GALNT17: variants seen among roughly 807,000 people sequenced by gnomAD.
GALNT17 encodes UDP-GalNAc:polypeptide N-acetylgalactosaminyltransferase-like 3.
In GALNT17, 29 loss-of-function variants were observed where a neutral mutation model predicts 63.7. That is an observed-to-expected ratio of 0.46 (90% CI 0.34 to 0.62). The LOEUF is 0.62. Ranked by LOEUF, GALNT17 falls within the 20% of genes least tolerant of loss-of-function variation. The pLI is 0.01. For missense variants in GALNT17, 603 were observed against 799.6 expected, an observed-to-expected ratio of 0.75 and a Z score of 2.97; for synonymous variants, 305 against 318.3, an observed-to-expected ratio of 0.96 and a Z score of 0.45.
rs367865697 is a variant in GALNT17, at chr7:71,415,982, G to A, written c.683G>A (p.Arg228His). The stretch of plus-strand genomic sequence containing the variant: ...AATCAGAAGAGGGAAGGCCTGATCC[G>A]CGCTCGCATTGAGGGCTGGAAGGTG... ...VRNQKREGLI[R>H]ARIEGWKVAT... Residue 228 changes from arginine (R) to histidine (H), a missense_variant, in exon 4 of 11, where the codon CGC becomes CAC. Physicochemically the swap from Arg to His is conservative, Grantham distance 29. Transcript: ENST00000333538. The A allele has an allele frequency of 1.7e-5, 27 of 1,613,792 alleles. No homozygotes were observed. Among genetic ancestry groups the A allele is most frequent in the South Asian group, 2.2e-5 (2 of 90,998 alleles).
chr7:71,397,941 T>TCG (rs1563063497), intron 3 of GALNT17, among the ~76,000 whole-genome samples: 1,991 of 150,808 alleles, frequency 0.013, 19 homozygotes, highest in Middle Eastern at 0.024. Context: ...CATTATTGTC[T>TCG]TTGTTGTTGT....
chr7:71,530,109 C>T (rs975783187), intron 5 of GALNT17, among the ~76,000 whole-genome samples: 1 of 152,104 alleles, frequency 6.6e-6, no homozygotes, highest in African/African-American at 2.4e-5. Context: ...GCTACTCATC[C>T]TTTTTTCCAC....
intron 1 of GALNT17, among the ~76,000 whole-genome samples, chr7:71,238,085 T>C (rs968595450): frequency 6.6e-6 from 1 of 152,204 alleles, no homozygotes; most frequent in African/African-American, 2.4e-5. Flanking sequence ...CACTATTTAA[T>C]GTATTCAGCA....
intron 5 of GALNT17, among the ~76,000 whole-genome samples, chr7:71,566,152 C>T (rs954963707): frequency 1.3e-5 from 2 of 152,066 alleles, no homozygotes; most frequent in Non-Finnish European, 1.5e-5. Flanking sequence ...CGGGATTACA[C>T]GCATGAGCCA....
At chr7:71,520,883 GGGCTAAACTT>G (rs1301671120) in intron 5 of GALNT17, among the ~76,000 whole-genome samples, 1 of 152,106 alleles carries the variant, frequency 6.6e-6, no homozygotes, top group African/African-American at 2.4e-5. Context: ...GAGTAACCAG[GGGCTAAACTT>G]GGCTTGAGTT....
At chr7:71,368,419 GT>G (rs1792555001) in intron 2 of GALNT17, among the ~76,000 whole-genome samples, 1 of 151,996 alleles carries the variant, frequency 6.6e-6, no homozygotes, top group South Asian at 2.1e-4. Flanking sequence ...TTCCTAGAGA[GT>G]TTTTCCCGTC....
chr7:71,350,434 A>T (rs1792169650), intron 2 of GALNT17, among the ~76,000 whole-genome samples: 1 of 152,312 alleles, frequency 6.6e-6, no homozygotes, highest in African/African-American at 2.4e-5. Flanking sequence ...GCTAACATAC[A>T]TCTGACCCTT....
chr7:71,184,213 G>A (rs1788789143), intron 1 of GALNT17, among the ~76,000 whole-genome samples: 1 of 152,108 alleles, frequency 6.6e-6, no homozygotes, highest in Non-Finnish European at 1.5e-5. Context: ...CCTTCATCTC[G>A]GACTTCCAGT....
chr7:71,547,434 G>C (rs1191482510), intron 5 of GALNT17, among the ~76,000 whole-genome samples: 1 of 152,078 alleles, frequency 6.6e-6, no homozygotes, highest in Non-Finnish European at 1.5e-5. Context: ...GATTATAGGT[G>C]TGAGCCACTG....
At chr7:71,514,576 A>G (rs1298714567) in intron 5 of GALNT17, among the ~76,000 whole-genome samples, 2 of 152,116 alleles carry the variant, frequency 1.3e-5, no homozygotes, top group Non-Finnish European at 2.9e-5. Flanking sequence ...TCTTTTGGTA[A>G]AAATCTCCTA....
chr7:71,190,484 A>C (rs911852571), intron 1 of GALNT17, among the ~76,000 whole-genome samples: 19 of 152,164 alleles, frequency 1.2e-4, no homozygotes, highest in African/African-American at 4.6e-4. Context: ...GCTTTACCAG[A>C]AGTCAGGCAG....
At chr7:71,582,440 G>T (rs1440131379) in intron 6 of GALNT17, among the ~76,000 whole-genome samples, 2 of 151,518 alleles carry the variant, frequency 1.3e-5, no homozygotes, top group African/African-American at 4.9e-5. Context: ...AAAATAGCTG[G>T]GCATGGTGAC....
intron 5 of GALNT17, among the ~76,000 whole-genome samples, chr7:71,541,267 T>C (rs1055975922): frequency 6.8e-6 from 1 of 146,462 alleles, no homozygotes; most frequent in Non-Finnish European, 1.5e-5. Context: ...ATGCTGCGTA[T>C]GATGGGTGGC....
At chr7:71,639,907 A>G (rs1425079586) in intron 6 of GALNT17, among the ~76,000 whole-genome samples, 2 of 152,196 alleles carry the variant, frequency 1.3e-5, no homozygotes, top group Non-Finnish European at 2.9e-5. Flanking sequence ...ATCGCAGCCC[A>G]TGAATATATC....
chr7:71,693,307 C>CATATATATAT (rs1397260396), intron 9 of GALNT17, among the ~76,000 whole-genome samples: 19 of 126,676 alleles, frequency 1.5e-4, no homozygotes, highest in African/African-American at 4.1e-4. Flanking sequence ...CACACACACA[C>CATATATATAT]ACATATATAT....
intron 1 of GALNT17, among the ~76,000 whole-genome samples, chr7:71,147,422 AG>A (rs1788043825): frequency 6.6e-6 from 1 of 152,114 alleles, no homozygotes; most frequent in Admixed American, 6.6e-5. Context: ...CTTTATATTC[AG>A]CTGGCAGCTG....
At chr7:71,136,848 G>A (rs1345054830) in intron 1 of GALNT17, among the ~76,000 whole-genome samples, 1 of 151,514 alleles carries the variant, frequency 6.6e-6, no homozygotes, top group Non-Finnish European at 1.5e-5. Flanking sequence ...GTGCAGTGAT[G>A]CAATTATAGC....
intron 6 of GALNT17, among the ~76,000 whole-genome samples, chr7:71,655,895 A>G (rs865831297): frequency 1.1e-4 from 16 of 152,002 alleles, no homozygotes; most frequent in African/African-American, 3.4e-4. Flanking sequence ...GAGTTCTATA[A>G]GGGCCCTTGG....
intron 6 of GALNT17, among the ~76,000 whole-genome samples, chr7:71,626,907 A>T (rs1790383604): frequency 6.6e-6 from 1 of 152,142 alleles, no homozygotes; most frequent in African/African-American, 2.4e-5. Flanking sequence ...AAGCTGGGTG[A>T]TGGGGTCTCA....
Sources: allele counts gnomAD v4.1 joint callset (sites outside exome capture counted in the v4.1 genomes callset), GRCh38; gene constraint gnomAD v4.1.1; transcripts MANE v1.5; gene names NCBI Gene and HGNC (gene_info 2026-07-23, HGNC 2026-07-21).